LOC122539214: variants seen among roughly 807,000 people sequenced by gnomAD.
the LOC122539214 span, chr19:52,674,159 C>G: frequency 2.0e-5 from 3 of 152,168 alleles, no homozygotes; most frequent in African/African-American, 7.2e-5. Flanking sequence ...AACTCTTGGG[C>G]CTTAAGCCTT....
the LOC122539214 span, among the ~76,000 whole-genome samples, chr19:52,666,349 T>C: frequency 6.6e-6 from 1 of 152,020 alleles, no homozygotes. Flanking sequence ...TTAAAACCTA[T>C]AATTGATAAT....
chr19:52,654,052 T>C, the LOC122539214 span: 1 of 1,589,176 alleles, frequency 6.3e-7, no homozygotes, highest in Non-Finnish European at 8.6e-7. Context: ...GATAGACTTC[T>C]CCACTTGATT....
At chr19:52,665,092 C>T in the LOC122539214 span, among the ~76,000 whole-genome samples, 5 of 152,192 alleles carry the variant, frequency 3.3e-5, no homozygotes, top group African/African-American at 7.2e-5. Flanking sequence ...TTTATGCTGA[C>T]GGCCCACAGA....
At chr19:52,665,399 C>T in the LOC122539214 span, among the ~76,000 whole-genome samples, 2 of 150,696 alleles carry the variant, frequency 1.3e-5, no homozygotes, top group Admixed American at 6.6e-5. Context: ...TTCCCTCCTC[C>T]GTCTCAATAA....
the LOC122539214 span, among the ~76,000 whole-genome samples, chr19:52,674,671 A>G: frequency 6.6e-6 from 1 of 151,688 alleles, no homozygotes; most frequent in Admixed American, 6.5e-5. Flanking sequence ...TCCATTTTCT[A>G]GAGAATTTAA....
chr19:52,672,753 T>C, the LOC122539214 span, among the ~76,000 whole-genome samples: 1 of 152,140 alleles, frequency 6.6e-6, no homozygotes, highest in Non-Finnish European at 1.5e-5. Context: ...GTGCTCGCCA[T>C]CATGCTGGGT....
the LOC122539214 span, among the ~76,000 whole-genome samples, chr19:52,686,808 C>A: frequency 2.0e-5 from 3 of 151,818 alleles, no homozygotes. Context: ...CCTGACCTTA[C>A]GTGATTCTCT....
At chr19:52,675,418 G>T in the LOC122539214 span, among the ~76,000 whole-genome samples, 16,578 of 152,182 alleles carry the variant, frequency 0.11, 1,205 homozygotes, top group Non-Finnish European at 0.15. Flanking sequence ...GGGGATACAA[G>T]GGCTGAGCTG....
At chr19:52,687,386 T>TA in the LOC122539214 span, among the ~76,000 whole-genome samples, 2 of 36,640 alleles carry the variant, frequency 5.5e-5, 1 homozygote, top group African/African-American at 6.9e-4. Context: ...ATAATTTATA[T>TA]ATATATAATT....
At chr19:52,686,864 C>A in the LOC122539214 span, among the ~76,000 whole-genome samples, 3 of 152,122 alleles carry the variant, frequency 2.0e-5, no homozygotes, top group African/African-American at 4.8e-5. Context: ...TGAGATACCA[C>A]ACCTGGCTTT....
chr19:52,662,061 A>C, the LOC122539214 span, among the ~76,000 whole-genome samples: 30 of 151,794 alleles, frequency 2.0e-4, no homozygotes, highest in East Asian at 1.6e-3. Context: ...TCCTGGGAGC[A>C]CAGATCCATA....
chr19:52,686,808 C>T, the LOC122539214 span, among the ~76,000 whole-genome samples: 2 of 151,818 alleles, frequency 1.3e-5, no homozygotes, highest in Non-Finnish European at 2.9e-5. Context: ...CCTGACCTTA[C>T]GTGATTCTCT....
the LOC122539214 span, among the ~76,000 whole-genome samples, chr19:52,677,533 T>C: frequency 6.6e-6 from 1 of 151,418 alleles, no homozygotes; most frequent in African/African-American, 2.4e-5. Flanking sequence ...AGTATGGCGG[T>C]CTGAGGTAAA....
chr19:52,680,062 C>T, the LOC122539214 span, among the ~76,000 whole-genome samples: 1 of 152,034 alleles, frequency 6.6e-6, no homozygotes, highest in African/African-American at 2.4e-5. Flanking sequence ...GCTGGTAATC[C>T]CAGCTACTTG....
the LOC122539214 span, among the ~76,000 whole-genome samples, chr19:52,668,017 G>C: frequency 1.3e-5 from 2 of 152,154 alleles, no homozygotes; most frequent in African/African-American, 4.8e-5. Flanking sequence ...GGATTATAAA[G>C]TCCACTGCTG....
At chr19:52,653,142 G>T in the LOC122539214 span, 1 of 1,465,676 alleles carries the variant, frequency 6.8e-7, no homozygotes, top group Non-Finnish European at 9.5e-7. Context: ...ACTCATGACA[G>T]TTGTAAGGTT....
chr19:52,676,191 T>C, the LOC122539214 span, among the ~76,000 whole-genome samples: 196 of 152,286 alleles, frequency 1.3e-3, no homozygotes, highest in African/African-American at 2.5e-3. Flanking sequence ...CTGTGTTGGT[T>C]GGGCTGGTCT....
chr19:52,668,316 T>C, the LOC122539214 span, among the ~76,000 whole-genome samples: 1 of 152,174 alleles, frequency 6.6e-6, no homozygotes, highest in Non-Finnish European at 1.5e-5. Flanking sequence ...GGTGCCATTA[T>C]CATCAGAATC....
the LOC122539214 span, among the ~76,000 whole-genome samples, chr19:52,670,249 T>A: frequency 1.3e-5 from 2 of 152,226 alleles, no homozygotes; most frequent in South Asian, 2.1e-4. Context: ...TGACTCATTC[T>A]CCACCCTCAT....
Sources: allele counts gnomAD v4.1 joint callset (sites outside exome capture counted in the v4.1 genomes callset), GRCh38; gene constraint gnomAD v4.1.1; transcripts MANE v1.5.